The following CDS2 variants were observed in gnomAD, a reference collection of about 807,000 sequenced individuals.
CDS2 encodes CDP-diacylglycerol synthase 2.
Under a neutral mutation model 59.0 loss-of-function variants are expected in CDS2, and 47 were observed. The observed-to-expected ratio is 0.80, with a 90% CI of 0.63 to 1.02. The LOEUF (loss-of-function observed/expected upper bound fraction) is 1.02, where lower values mean the gene tolerates loss of function less well. Among genes scored for constraint, CDS2 ranks in the 50% least tolerant of loss-of-function variants. CDS2 has a pLI of 0.00. For missense variants in CDS2, 356 were observed against 558.9 expected (o/e 0.64, Z 3.66); for synonymous variants, 207 against 206.4 (o/e 1.00, Z -0.02).
chr20:5,186,550 C>A, intron 9 of CDS2, 137 bp from the exon 10 acceptor site: 121 of 617,586 alleles, frequency 2.0e-4, no homozygotes, highest in Middle Eastern at 4.0e-4. Flanking sequence ...TATGGTAAAA[C>A]ATGAACCTCT....
intron 1 of CDS2, among the ~76,000 whole-genome samples, chr20:5,143,611 TTTCTTCTTC>T (rs573730329): frequency 6.6e-6 from 1 of 150,834 alleles, no homozygotes; most frequent in Non-Finnish European, 1.5e-5. Flanking sequence ...TCTTTTTCTT[TTTCTTCTTC>T]TTCTTCTTCT....
At chr20:5,144,377 T>C (rs182986834) in intron 1 of CDS2, among the ~76,000 whole-genome samples, 1 of 152,136 alleles carries the variant, frequency 6.6e-6, no homozygotes, top group Non-Finnish European at 1.5e-5. Context: ...GTTTGGGTGA[T>C]ATATTATATG....
At chr20:5,150,691 C>T (rs1398141388) in intron 1 of CDS2, among the ~76,000 whole-genome samples, 1 of 152,238 alleles carries the variant, frequency 6.6e-6, no homozygotes, top group East Asian at 1.9e-4. Context: ...TCAGCCCCAG[C>T]CCCAGCCTCT....
intron 1 of CDS2, among the ~76,000 whole-genome samples, chr20:5,163,715 C>T (rs2123020368): frequency 6.6e-6 from 1 of 151,984 alleles, no homozygotes; most frequent in South Asian, 2.1e-4. Context: ...TTAATTTTTT[C>T]CCCAGGTATC....
intron 1 of CDS2, among the ~76,000 whole-genome samples, chr20:5,151,144 G>A (rs565963679): frequency 6.6e-6 from 1 of 152,296 alleles, no homozygotes; most frequent in South Asian, 2.1e-4. Context: ...CCATGTTAGT[G>A]TTTATTTTTA....
At chr20:5,167,656 A>G (rs946182105) in intron 1 of CDS2, among the ~76,000 whole-genome samples, 4 of 152,222 alleles carry the variant, frequency 2.6e-5, no homozygotes, top group Admixed American at 1.3e-4. Context: ...ATGCTTATTA[A>G]GGATAAACCC....
intron 1 of CDS2, among the ~76,000 whole-genome samples, chr20:5,170,154 C>T (rs2090944831): frequency 6.6e-6 from 1 of 152,178 alleles, no homozygotes; most frequent in Non-Finnish European, 1.5e-5. Flanking sequence ...TGCTGTGTGT[C>T]ATGAGTGTCA....
At chr20:5,185,472 G>A (rs2091060670) in intron 8 of CDS2, among the ~76,000 whole-genome samples, 1 of 152,058 alleles carries the variant, frequency 6.6e-6, no homozygotes, top group East Asian at 1.9e-4. Context: ...ATCTTTTTTG[G>A]GGACACATTT....
intron 1 of CDS2, among the ~76,000 whole-genome samples, chr20:5,137,743 G>A (rs190500577): frequency 9.4e-4 from 142 of 151,762 alleles, no homozygotes; most frequent in Middle Eastern, 3.4e-3. Context: ...GAGCCCAGGA[G>A]TTTGAGGCTG....
At chr20:5,171,947 A>C (rs539735563) in intron 1 of CDS2, among the ~76,000 whole-genome samples, 7 of 152,234 alleles carry the variant, frequency 4.6e-5, no homozygotes, top group Non-Finnish European at 1.0e-4. Flanking sequence ...TTTTATCAGC[A>C]GTCTGCACTA....
intron 1 of CDS2, among the ~76,000 whole-genome samples, chr20:5,137,272 C>T (rs542467579): frequency 2.0e-4 from 29 of 147,782 alleles, no homozygotes; most frequent in African/African-American, 6.2e-4. Context: ...GAGATGGAGT[C>T]TCGCCCTGTC....
At chr20:5,178,023 C>G (rs1002355569) in intron 4 of CDS2, among the ~76,000 whole-genome samples, 1 of 152,166 alleles carries the variant, frequency 6.6e-6, no homozygotes, top group East Asian at 1.9e-4. Context: ...AAGAAAAGCT[C>G]TCCACTTTCT....
chr20:5,169,085 C>A (rs191424787), intron 1 of CDS2, among the ~76,000 whole-genome samples: 363 of 152,328 alleles, frequency 2.4e-3, no homozygotes, highest in Non-Finnish European at 3.4e-3. Context: ...AGGAGCTTCC[C>A]CCTTCCTTTA....
intron 1 of CDS2, among the ~76,000 whole-genome samples, chr20:5,164,884 A>G (rs542348704): frequency 6.6e-6 from 1 of 152,336 alleles, no homozygotes; most frequent in African/African-American, 2.4e-5. Flanking sequence ...TCTGTTCTGA[A>G]TTAAGTAATG....
At chr20:5,163,312 A>G (rs1400969070) in intron 1 of CDS2, among the ~76,000 whole-genome samples, 1 of 152,148 alleles carries the variant, frequency 6.6e-6, no homozygotes, top group Non-Finnish European at 1.5e-5. Context: ...CCCAGGCTGA[A>G]GTGCAATGGC....
intron 2 of CDS2, among the ~76,000 whole-genome samples, chr20:5,174,739 A>T (rs73063738): frequency 0.06 from 9,041 of 151,804 alleles, 370 homozygotes; most frequent in Middle Eastern, 0.13. Flanking sequence ...AAAAAAAATT[A>T]TGCATATTTA....
chr20:5,162,184 T>A (rs143463861), intron 1 of CDS2, among the ~76,000 whole-genome samples: 55 of 152,238 alleles, frequency 3.6e-4, no homozygotes, highest in African/African-American at 1.3e-3. Context: ...GAATTAAGGG[T>A]CGAACATCCC....
intron 1 of CDS2, among the ~76,000 whole-genome samples, chr20:5,158,963 G>A (rs1041101494): frequency 3.4e-4 from 51 of 152,186 alleles, no homozygotes; most frequent in African/African-American, 1.2e-3. Flanking sequence ...CACAGGTGAG[G>A]GTGAGGCACT....
At chr20:5,148,560 G>A (rs943313623) in intron 1 of CDS2, among the ~76,000 whole-genome samples, 44 of 152,128 alleles carry the variant, frequency 2.9e-4, no homozygotes, top group Admixed American at 2.7e-3. Flanking sequence ...TAACTCTGAC[G>A]GCTTAAAAAA....
Sources: allele counts gnomAD v4.1 joint callset (sites outside exome capture counted in the v4.1 genomes callset), GRCh38; gene constraint gnomAD v4.1.1; transcripts MANE v1.5; gene names NCBI Gene and HGNC (gene_info 2026-07-23, HGNC 2026-07-21).